ARHGAP6: variants seen among roughly 807,000 people sequenced by gnomAD.
The protein encoded by ARHGAP6 is Rho GTPase activating protein 6, also known as rho GTPase-activating protein 6.
ARHGAP6 carries 16 observed loss-of-function variants against 55.7 expected under a neutral mutation model. The observed-to-expected ratio is 0.29, with a 90% CI of 0.19 to 0.44. The LOEUF is 0.44. ARHGAP6 is among the 20% of genes least tolerant of loss of function. ARHGAP6 has a pLI of 1.00. For synonymous variants in ARHGAP6, 382 were observed against 360.9 expected (o/e 1.06, Z -0.66); for missense variants, 698 against 808.9 (o/e 0.86, Z 1.66).
chrX:11,619,524 A>G lies in ARHGAP6; in HGVS notation c.588+44717T>C, dbSNP rs937104615. Among the ~76,000 whole-genome samples the G allele has an allele frequency of 2.7e-5, 3 of 112,434 alleles. No individual in the cohort carries two copies. The Admixed American group carries it at 2.8e-4, about 11-fold the overall frequency. ...TGCTGGATGACTCAATGAAAAAGGG[A>G]ACCATGATTTATCATATGGTTAATT... On this transcript the variant is annotated intron_variant, in intron 1 of 12. Coordinates refer to ENST00000337414, the MANE Select transcript of ARHGAP6 (RefSeq NM_013427.3).
At chrX:11,327,430 A>T (rs1000781481) in intron 1 of ARHGAP6, among the ~76,000 whole-genome samples, 1 of 112,543 alleles carries the variant, frequency 8.9e-6, no homozygotes, top group Non-Finnish European at 1.9e-5. Flanking sequence ...GCCAAACTAA[A>T]TTCAGCCCTT....
intron 1 of ARHGAP6, among the ~76,000 whole-genome samples, chrX:11,413,864 A>T (rs1298144854): frequency 8.9e-6 from 1 of 112,286 alleles, no homozygotes; most frequent in Non-Finnish European, 1.9e-5. Context: ...GTTTTCAGAC[A>T]CTATACTTGC....
intron 1 of ARHGAP6, among the ~76,000 whole-genome samples, chrX:11,362,954 GA>G (rs2049031331): frequency 9.0e-6 from 1 of 111,398 alleles, no homozygotes; most frequent in Admixed American, 9.5e-5. Context: ...AGTTGACTAA[GA>G]AAAAAACTAC....
chrX:11,294,243 T>G (rs1269146720), intron 1 of ARHGAP6, among the ~76,000 whole-genome samples: 2 of 106,520 alleles, frequency 1.9e-5, no homozygotes, highest in Non-Finnish European at 4.0e-5. Context: ...TGAAGTTCTG[T>G]AGATAGGAAT....
intron 2 of ARHGAP6, among the ~76,000 whole-genome samples, chrX:11,207,354 A>G (rs749208800): frequency 8.0e-4 from 89 of 111,142 alleles, no homozygotes; most frequent in African/African-American, 2.5e-3. Flanking sequence ...TTAAAAAGTG[A>G]TTTGTTATTT....
At chrX:11,555,194 G>A (rs771253262) in intron 1 of ARHGAP6, among the ~76,000 whole-genome samples, 4 of 112,186 alleles carry the variant, frequency 3.6e-5, no homozygotes, top group Non-Finnish European at 7.5e-5. Flanking sequence ...ACAGAGGTAT[G>A]CCTATATGCC....
At chrX:11,503,587 C>A (rs1277157888) in intron 1 of ARHGAP6, among the ~76,000 whole-genome samples, 2 of 111,578 alleles carry the variant, frequency 1.8e-5, no homozygotes, top group Non-Finnish European at 3.8e-5. Context: ...GAATTGATTA[C>A]TCTTTAGCCC....
intron 1 of ARHGAP6, among the ~76,000 whole-genome samples, chrX:11,574,762 A>G (rs2051575937): frequency 9.3e-6 from 1 of 107,358 alleles, no homozygotes; most frequent in Non-Finnish European, 1.9e-5. Context: ...AGGGTATTCA[A>G]TTAGGAAAAG....
intron 3 of ARHGAP6, among the ~76,000 whole-genome samples, chrX:11,190,997 G>T (rs1294557012): frequency 8.9e-6 from 1 of 112,483 alleles, no homozygotes; most frequent in Non-Finnish European, 1.9e-5. Context: ...GCCTCTCCCT[G>T]GTTCCCATGC....
chrX:11,353,735 C>A (rs2048891163), intron 1 of ARHGAP6, among the ~76,000 whole-genome samples: 1 of 110,628 alleles, frequency 9.0e-6, no homozygotes, highest in African/African-American at 3.3e-5. Context: ...TTTTGTCTGA[C>A]CCGTCACTTC....
In ARHGAP6 at chrX:11,664,992, G is replaced by A. The variant is rs564780070; in HGVS notation, c.-164C>T. 4.3e-5 allele frequency: 19 copies of A among 442,564 alleles called. No individual in the cohort carries two copies. The highest frequency in any genetic ancestry group is 6.2e-5 in the Non-Finnish European group (17 of 275,512). The allele number at this position is 442,564 out of a possible 1,213,427, so 36.5% of individuals were successfully genotyped here. On this transcript the variant is annotated 5_prime_UTR_variant, in exon 1 of 13. Transcript: ENST00000337414. ...AGCCCAGCTCACGCGCCGCCGGTGCGCTCCAAGTGCCCCGGCGGCGGCAGG... is the reference window on the plus strand; with the variant it reads ...AGCCCAGCTCACGCGCCGCCGGTGCACTCCAAGTGCCCCGGCGGCGGCAGG...
At chrX:11,428,632 A>G (rs1381006569) in intron 1 of ARHGAP6, among the ~76,000 whole-genome samples, 1 of 111,394 alleles carries the variant, frequency 9.0e-6, no homozygotes, top group African/African-American at 3.3e-5. Flanking sequence ...GCTTGGGGGT[A>G]GCTTGTGCCA....
chrX:11,612,126 A>G (rs2052109110), intron 1 of ARHGAP6, among the ~76,000 whole-genome samples: 1 of 112,117 alleles, frequency 8.9e-6, no homozygotes, highest in African/African-American at 3.2e-5. Flanking sequence ...CAGACCTGGA[A>G]GGGCCACATG....
Position 11,427,704 on chromosome X carries a change from C to T in ARHGAP6, c.589-172997G>A. 3 of 805,665 alleles carry T rather than the reference C, an allele frequency of 3.7e-6. No individual in the cohort carries two copies. The South Asian group carries it at 1.3e-4, about 34-fold the overall frequency. 66.4% of individuals were successfully genotyped at this position (805,665 alleles called of 1,213,427 possible). ...CTGGGGCAGCCCCTGGGCGCGAGCC[C>T]TGCTCCGTGCGTGCCGAGTGCTGTG... On this transcript the variant is annotated intron_variant, in intron 1 of 12. Transcript: ENST00000337414.
intron 1 of ARHGAP6, among the ~76,000 whole-genome samples, chrX:11,466,782 G>A (rs1436163679): frequency 8.9e-6 from 1 of 111,784 alleles, no homozygotes; most frequent in African/African-American, 3.3e-5. Context: ...GATATTACAG[G>A]CATGAGCCAC....
intron 1 of ARHGAP6, among the ~76,000 whole-genome samples, chrX:11,543,404 T>G (rs776853980): frequency 8.9e-6 from 1 of 112,782 alleles, no homozygotes; most frequent in Non-Finnish European, 1.9e-5. Flanking sequence ...TGGGACATTT[T>G]TAGTTGTCAC....
intron 1 of ARHGAP6, among the ~76,000 whole-genome samples, chrX:11,438,298 G>A (rs1356657179): frequency 2.7e-5 from 3 of 112,367 alleles, no homozygotes; most frequent in Non-Finnish European, 5.6e-5. Flanking sequence ...ATCCATGACC[G>A]GGTACACTTA....
intron 1 of ARHGAP6, among the ~76,000 whole-genome samples, chrX:11,442,895 GA>G (rs1382814463): frequency 2.7e-5 from 3 of 112,226 alleles, no homozygotes; most frequent in Non-Finnish European, 5.6e-5. Context: ...ATTTTCAATA[GA>G]AAACTGGCTG....
chrX:11,604,273 G>A (rs2052009342), intron 1 of ARHGAP6, among the ~76,000 whole-genome samples: 1 of 111,618 alleles, frequency 9.0e-6, no homozygotes, highest in Non-Finnish European at 1.9e-5. Flanking sequence ...ACACAACCAA[G>A]CTATCACACT....
Sources: allele counts gnomAD v4.1 joint callset (sites outside exome capture counted in the v4.1 genomes callset), GRCh38; gene constraint gnomAD v4.1.1; transcripts MANE v1.5; gene names NCBI Gene and HGNC (gene_info 2026-07-23, HGNC 2026-07-21).